The following FOXP1 variants were observed in gnomAD, a reference collection of about 807,000 sequenced individuals.
The protein encoded by FOXP1 is forkhead box protein P1.
In FOXP1, 15 loss-of-function variants were observed where a neutral mutation model predicts 98.2. The observed-to-expected ratio is 0.15, with a 90% CI of 0.10 to 0.24. The LOEUF (loss-of-function observed/expected upper bound fraction) is 0.24, where lower values mean the gene tolerates loss of function less well. FOXP1 is among the 10% of genes least tolerant of loss of function. The pLI is 1.00. For missense variants in FOXP1, 633 were observed against 848.5 expected (o/e 0.75, Z 3.15); for synonymous variants, 371 against 314.5 (o/e 1.18, Z -1.90).
At chr3:70,960,442 C>T (rs569628877) in intron 20 of FOXP1, among the ~76,000 whole-genome samples, 1 of 152,156 alleles carries the variant, frequency 6.6e-6, no homozygotes, top group African/African-American at 2.4e-5. Context: ...GGGGTGATCA[C>T]ACAAAACCGC....
At chr3:71,003,013 A>G (rs373438831) in intron 12 of FOXP1, among the ~76,000 whole-genome samples, 1 of 152,176 alleles carries the variant, frequency 6.6e-6, no homozygotes, top group South Asian at 2.1e-4. Flanking sequence ...TACTAAACCC[A>G]CTTATAAAAT....
intron 6 of FOXP1, among the ~76,000 whole-genome samples, chr3:71,142,836 C>T (rs1339273906): frequency 1.3e-5 from 2 of 152,182 alleles, no homozygotes; most frequent in African/African-American, 4.8e-5. Flanking sequence ...CAACAAAAAA[C>T]TAACACACGC....
intron 5 of FOXP1, among the ~76,000 whole-genome samples, chr3:71,283,487 G>A (rs1181894196): frequency 6.6e-6 from 1 of 152,210 alleles, no homozygotes; most frequent in Admixed American, 6.5e-5. Context: ...TCTTGGGCTG[G>A]AGAGGACAGG....
At chr3:71,226,382 T>A (rs1327240443) in intron 5 of FOXP1, among the ~76,000 whole-genome samples, 3 of 152,148 alleles carry the variant, frequency 2.0e-5, no homozygotes, top group Non-Finnish European at 4.4e-5. Flanking sequence ...AGCATTGCCT[T>A]TTCAGTTTGG....
chr3:71,091,632 T>C (rs1417732200), intron 7 of FOXP1, among the ~76,000 whole-genome samples: 28 of 152,220 alleles, frequency 1.8e-4, no homozygotes, highest in Admixed American at 1.8e-3. Context: ...TTAAGCTTAA[T>C]TGTCTCATCA....
intron 6 of FOXP1, among the ~76,000 whole-genome samples, chr3:71,173,502 G>A (rs147684852): frequency 2.0e-5 from 3 of 151,966 alleles, no homozygotes; most frequent in Non-Finnish European, 4.4e-5. Context: ...CATATTAGCT[G>A]TCATACATTA....
chr3:71,550,895 A>G (rs1037388005), intron 2 of FOXP1, among the ~76,000 whole-genome samples: 3 of 152,138 alleles, frequency 2.0e-5, no homozygotes, highest in African/African-American at 7.2e-5. Context: ...AACAGAAGGC[A>G]CTCTCTGCGG....
At chr3:71,063,960 C>T (rs775513992) in intron 7 of FOXP1, among the ~76,000 whole-genome samples, 10 of 152,156 alleles carry the variant, frequency 6.6e-5, no homozygotes, top group South Asian at 2.1e-4. Flanking sequence ...TAAAAAGTCC[C>T]GTTTCCACTG....
intron 5 of FOXP1, 40 bp from the exon 6 acceptor site, chr3:71,198,432 G>GGGGGGGGGGGCCCCCCCCCGCC: frequency 2.0e-6 from 1 of 491,034 alleles, no homozygotes; most frequent in East Asian, 5.7e-5. Context: ...GGGAGGGGGG[G>GGGGGGGGGGGCCCCCCCCCGCC]AGAAAAAAAA....
rs143202281 is a variant in FOXP1, at chr3:70,955,832, G to GCACACACACACACA, written c.*3401_*3414dup. 8.7e-4 allele frequency: 193 copies of GCACACACACACACA among 221,608 alleles called. No homozygotes were observed. The highest frequency in any genetic ancestry group is 3.9e-3 in the East Asian group (63 of 16,042). 13.7% of individuals were successfully genotyped at this position (221,608 alleles called of 1,614,324 possible). ...AACAGATTAACACACACGCACGCGC[G>GCACACACACACACA]CACACACACACACACACACACACAA... is the stretch of plus-strand genomic sequence containing the variant. On this transcript the variant is annotated 3_prime_UTR_variant, in exon 21 of 21. Transcript: ENST00000649528.
chr3:71,178,341 G>A (rs1170007631), intron 6 of FOXP1, among the ~76,000 whole-genome samples: 1 of 150,594 alleles, frequency 6.6e-6, no homozygotes, highest in Non-Finnish European at 1.5e-5. Flanking sequence ...TCACCATGTT[G>A]GCCAAGATGG....
At chr3:71,491,014 TTTA>T (rs1188591666) in intron 3 of FOXP1, among the ~76,000 whole-genome samples, 5 of 152,086 alleles carry the variant, frequency 3.3e-5, no homozygotes, top group South Asian at 2.1e-4. Flanking sequence ...TATGACTTTT[TTTA>T]TTATTATTAT....
intron 12 of FOXP1, among the ~76,000 whole-genome samples, chr3:71,014,894 G>A (rs533551200): frequency 1.3e-5 from 2 of 150,600 alleles, no homozygotes; most frequent in Non-Finnish European, 2.9e-5. Context: ...CGCAAGGACA[G>A]AAAACCAAAC....
At chr3:71,159,104 CAAAAAAAA>C (rs34653634) in intron 6 of FOXP1, among the ~76,000 whole-genome samples, 1 of 78,002 alleles carries the variant, frequency 1.3e-5, no homozygotes, top group Non-Finnish European at 2.5e-5. Context: ...AACCCTATCT[CAAAAAAAA>C]AAAAAAAAAA....
chr3:71,100,112 G>A (rs1304150129), intron 7 of FOXP1, among the ~76,000 whole-genome samples: 1 of 152,140 alleles, frequency 6.6e-6, no homozygotes, highest in East Asian at 1.9e-4. Context: ...GCAAACAGAA[G>A]GTGCACATAG....
At chr3:71,163,138 T>G (rs891966717) in intron 6 of FOXP1, among the ~76,000 whole-genome samples, 28 of 152,352 alleles carry the variant, frequency 1.8e-4, no homozygotes, top group African/African-American at 6.3e-4. Context: ...TGCACGTGAA[T>G]AACAGTTAAA....
intron 3 of FOXP1, among the ~76,000 whole-genome samples, chr3:71,405,553 G>C (rs1276711653): frequency 1.3e-5 from 2 of 152,052 alleles, no homozygotes; most frequent in Non-Finnish European, 2.9e-5. Flanking sequence ...ATGTTGGCTA[G>C]GAGGCCAGGT....
In FOXP1 at chr3:70,995,581, G is replaced by A. The variant is rs75525225; in HGVS notation, c.1062+5391C>T. Among the ~76,000 whole-genome samples the A allele has an allele frequency of 5.9e-3, 891 of 152,246 alleles. 11 individuals are homozygous for A. Among genetic ancestry groups the A allele is most frequent in the African/African-American group, 0.021 (852 of 41,536 alleles). Reference sequence around the variant, plus strand: ...TATGGTGTCTGTCTCACTGTTAGGTGTCTATGTGTATAGTATAAGGAACTC... The same window carrying A: ...TATGGTGTCTGTCTCACTGTTAGGTATCTATGTGTATAGTATAAGGAACTC... On this transcript the variant is annotated intron_variant, in intron 13 of 20. Transcript: ENST00000649528.
In FOXP1 at chr3:71,145,921, AT is replaced by A. The variant is rs541826247; in HGVS notation, c.181-33285del. Among the ~76,000 whole-genome samples the A allele has an allele frequency of 1.4e-4, 22 of 152,266 alleles. No homozygotes were observed. The East Asian group carries it at 4.2e-3, about 29-fold the overall frequency. ...CTTGCTGGAGAAATGATTTTAAAAC[AT>A]TTTCTTACAGTCAGTAGCTTGTCTT... On this transcript the variant is annotated intron_variant, in intron 6 of 20. Transcript: ENST00000649528.
Sources: allele counts gnomAD v4.1 joint callset (sites outside exome capture counted in the v4.1 genomes callset), GRCh38; gene constraint gnomAD v4.1.1; transcripts MANE v1.5; gene names NCBI Gene and HGNC (gene_info 2026-07-23, HGNC 2026-07-21).